The following GALC variants were observed in gnomAD, a reference collection of about 807,000 sequenced individuals.
GALC encodes galactocerebrosidase.
In GALC, 77 loss-of-function variants were observed where a neutral mutation model predicts 91.8. The ratio of observed to expected loss-of-function variants is 0.84; its 90% CI spans 0.70 to 1.01. GALC has a LOEUF of 1.01. Among genes scored for constraint, GALC ranks in the 50% least tolerant of loss-of-function variants. The probability of loss-of-function intolerance (pLI) is 0.00; values close to 1 mark genes in which losing one functional copy is unlikely to be tolerated. For synonymous variants in GALC, 357 were observed against 306.7 expected (o/e 1.16, Z -1.71); for missense variants, 882 against 855.9 (o/e 1.03, Z -0.38).
chr14:87,990,163 C>T (rs999398759), intron 1 of GALC, among the ~76,000 whole-genome samples: 1 of 152,202 alleles, frequency 6.6e-6, no homozygotes, highest in African/African-American at 2.4e-5. Context: ...ATTTTTCTGA[C>T]TCACCTCTTA....
intron 14 of GALC, among the ~76,000 whole-genome samples, chr14:87,942,301 T>C (rs554071768): frequency 2.0e-5 from 3 of 152,140 alleles, no homozygotes; most frequent in South Asian, 2.1e-4. Flanking sequence ...TTTTCCCCTA[T>C]GAAGTATCTG....
chr14:87,938,657 G>A (rs754107520), intron 16 of GALC, among the ~76,000 whole-genome samples: 55 of 151,814 alleles, frequency 3.6e-4, no homozygotes, highest in Admixed American at 9.9e-4. Context: ...AATTTCTGAC[G>A]TATTAAAGAC....
chr14:87,953,442 TC>T, intron 10 of GALC: 1 of 1,528,316 alleles, frequency 6.5e-7, no homozygotes, highest in Non-Finnish European at 9.0e-7. Context: ...GTCCTGTTTT[TC>T]CTAAAACAGA....
chr14:87,977,381 A>C (rs1886544350), intron 6 of GALC, among the ~76,000 whole-genome samples: 1 of 152,188 alleles, frequency 6.6e-6, no homozygotes, highest in Non-Finnish European at 1.5e-5. Flanking sequence ...TGAGGACTCT[A>C]AAAGAAGTAT....
chr14:87,980,562 T>A, intron 6 of GALC: 6 of 829,076 alleles, frequency 7.2e-6, no homozygotes, highest in Non-Finnish European at 8.7e-6. Context: ...AGTGGAGAGT[T>A]CCTATCCATC....
intron 8 of GALC, among the ~76,000 whole-genome samples, chr14:87,967,452 A>T (rs1430757943): frequency 6.6e-6 from 1 of 152,208 alleles, no homozygotes; most frequent in Admixed American, 6.6e-5. Context: ...AAAGAGAAGA[A>T]AAAGAACAAA....
At chr14:87,983,493 C>G (rs1006906960) in intron 5 of GALC, among the ~76,000 whole-genome samples, 11 of 152,168 alleles carry the variant, frequency 7.2e-5, no homozygotes, top group African/African-American at 2.7e-4. Context: ...ACTTCTCTTA[C>G]TGAACACAAG....
At chr14:87,957,281 G>T (rs1885597042) in intron 10 of GALC, among the ~76,000 whole-genome samples, 1 of 151,842 alleles carries the variant, frequency 6.6e-6, no homozygotes, top group Non-Finnish European at 1.5e-5. Context: ...TATTTATTTT[G>T]GTTTTGTTGC....
chr14:87,958,644 G>A (rs1454320297), intron 10 of GALC, among the ~76,000 whole-genome samples: 1 of 152,044 alleles, frequency 6.6e-6, no homozygotes, highest in Non-Finnish European at 1.5e-5. Flanking sequence ...TTGTCTAAAA[G>A]CAGGCACACA....
At chr14:87,950,030 T>C (rs1405446045) in intron 11 of GALC, 99 bp from the exon 12 acceptor site, 2 of 674,130 alleles carry the variant, frequency 3.0e-6, no homozygotes, top group East Asian at 5.2e-5. Flanking sequence ...AATGACAATA[T>C]TATCTCTATT....
chr14:87,952,585 C>G, intron 10 of GALC: 1 of 1,294,458 alleles, frequency 7.7e-7, no homozygotes. Context: ...ATGTCCGTTG[C>G]TGACCCCCGG....
At chr14:87,945,962 C>T (rs1461107508) in intron 13 of GALC, among the ~76,000 whole-genome samples, 1 of 151,962 alleles carries the variant, frequency 6.6e-6, no homozygotes. Flanking sequence ...AATATTTAAT[C>T]CAGGCATCTG....
chr14:87,945,514 G>A, intron 14 of GALC, 39 bp downstream of exon 14: 1 of 1,403,312 alleles, frequency 7.1e-7, no homozygotes, highest in African/African-American at 1.4e-5. Context: ...TATTACAAGG[G>A]TATTTCAGCC....
In GALC at chr14:87,939,942, G is replaced by A. The variant is rs758560030; in HGVS notation, c.1874C>T (p.Thr625Ile). Residue 625 changes from threonine (T) to isoleucine (I), a missense_variant, in exon 16 of 17, where the codon ACA becomes ATA. Coordinates refer to ENST00000261304, the MANE Select transcript of GALC (RefSeq NM_000153.4). ...IIYALGRVEV[T>I]AKKWYTLTLT... Reference sequence around the variant, plus strand: ...CGTGAGTGTATACCATTTTTTTGCTGTAACTTCAACACGTCCTAAAGCATA... The same window carrying A: ...CGTGAGTGTATACCATTTTTTTGCTATAACTTCAACACGTCCTAAAGCATA... 30 of 1,610,596 alleles carry A rather than the reference G, an allele frequency of 1.9e-5. No homozygotes were observed. The South Asian group carries it at 3.0e-4, about 16-fold the overall frequency.
At chr14:87,978,825 CAA>C (rs575209127) in intron 6 of GALC, among the ~76,000 whole-genome samples, 10 of 112,336 alleles carry the variant, frequency 8.9e-5, no homozygotes, top group East Asian at 2.6e-4. Flanking sequence ...ATATCAGTAG[CAA>C]AAAAAAAAAA....
At position 87,992,997 on chromosome 14, in the gene GALC, G is replaced by A. The variant is rs2139769226; in HGVS notation, c.168C>T (p.Asp56=). 1.3e-6 allele frequency: 2 copies of A among 1,535,842 alleles called. No homozygotes were observed. The highest frequency in any genetic ancestry group is 1.7e-6 in the Non-Finnish European group (2 of 1,149,856). The change falls in exon 1 of 17, where the codon GAC becomes GAT. Residue 56 remains aspartate (D), a synonymous_variant. Transcript: ENST00000261304. ...CGCCGCCGCTGACCGCGCCGATGCC[G>A]TCGAACTCCCGGCCCAGCCCGTCGG... ...DDSDGLGREF[D]GIGAVSGGGA...
intron 1 of GALC, among the ~76,000 whole-genome samples, chr14:87,991,059 G>A (rs956751964): frequency 6.6e-6 from 1 of 152,168 alleles, no homozygotes; most frequent in East Asian, 1.9e-4. Context: ...CCCAAAAAAA[G>A]AAAGTGAGGC....
At chr14:87,987,761 C>A (rs1887033728) in intron 3 of GALC, 1 of 164,546 alleles carries the variant, frequency 6.1e-6, no homozygotes, top group South Asian at 1.7e-4. Flanking sequence ...AAAGCTGTAT[C>A]ATTTTTACCA....
intron 8 of GALC, among the ~76,000 whole-genome samples, chr14:87,967,890 G>C (rs753470350): frequency 1.5e-4 from 23 of 152,080 alleles, no homozygotes; most frequent in Admixed American, 1.3e-4. Context: ...ACATTTTTGG[G>C]AAACAATTAG....
Sources: allele counts gnomAD v4.1 joint callset (sites outside exome capture counted in the v4.1 genomes callset), GRCh38; gene constraint gnomAD v4.1.1; transcripts MANE v1.5; gene names NCBI Gene and HGNC (gene_info 2026-07-23, HGNC 2026-07-21).